The following DNAH8 variants were observed in gnomAD, a reference collection of about 807,000 sequenced individuals.
DNAH8 encodes axonemal beta dynein heavy chain 8.
In DNAH8, 382 loss-of-function variants were observed where a neutral mutation model predicts 562.1. The observed-to-expected ratio is 0.68, with a 90% CI of 0.63 to 0.74. The LOEUF is 0.74. Ranked by LOEUF, DNAH8 falls within the 30% of genes least tolerant of loss-of-function variation. DNAH8 has a pLI of 0.00. For synonymous variants in DNAH8, 1,881 were observed against 1,919.4 expected, an observed-to-expected ratio of 0.98 and a Z score of 0.52; for missense variants, 5,203 against 5,620.4, an observed-to-expected ratio of 0.93 and a Z score of 2.37.
chr6:38,775,815 G>A lies in DNAH8; in HGVS notation c.1826G>A (p.Gly609Glu). The A allele has an allele frequency of 6.3e-7, 1 of 1,597,144 alleles. No individual in the cohort carries two copies. The highest frequency in any genetic ancestry group is 8.6e-7 in the Non-Finnish European group (1 of 1,164,898). The change falls in exon 13 of 93, where the codon GGA becomes GAA. Residue 609 changes from glycine (G) to glutamate (E), a missense_variant. By Grantham distance (98) the Gly-to-Glu change is moderately conservative (BLOSUM62 -2). Coordinates refer to ENST00000327475, the MANE Select transcript of DNAH8 (RefSeq NM_001206927.2). ...YSTLSNSTIE[G>E]IDIMAIKFRN... ...ACCTTGAGTAATTCTACCATAGAAG[G>A]AATAGATATTATGGCAATAAAATTC...
chr6:39,008,685 C>T (rs566929223), intron 88 of DNAH8, 129 bp from the exon 89 acceptor site: 14 of 509,356 alleles, frequency 2.7e-5, no homozygotes, highest in Middle Eastern at 5.4e-4. Context: ...TGGTAGTTAA[C>T]TTTTCTTCTT....
chr6:38,943,351 T>C (rs1236693675), intron 79 of DNAH8, among the ~76,000 whole-genome samples: 1 of 152,218 alleles, frequency 6.6e-6, no homozygotes, highest in Admixed American at 6.5e-5. Flanking sequence ...TTAATGTTTC[T>C]TTACAAAGTT....
At chr6:38,867,282 C>T (rs184635865) in intron 47 of DNAH8, among the ~76,000 whole-genome samples, 1 of 150,606 alleles carries the variant, frequency 6.6e-6, no homozygotes, top group African/African-American at 2.4e-5. Context: ...ATGTAAGATA[C>T]GGCTCTGTTC....
At chr6:38,727,969 A>AT (rs755483902) in intron 3 of DNAH8, among the ~76,000 whole-genome samples, 31 of 151,030 alleles carry the variant, frequency 2.1e-4, no homozygotes, top group Non-Finnish European at 2.4e-4. Flanking sequence ...CCTTAAGTTA[A>AT]TTTTTTTTTC....
At chr6:38,852,127 T>A (rs1437533793) in intron 39 of DNAH8, among the ~76,000 whole-genome samples, 1 of 152,212 alleles carries the variant, frequency 6.6e-6, no homozygotes, top group Non-Finnish European at 1.5e-5. Context: ...CCTTTTTTCC[T>A]TCCTCAATAC....
At chr6:38,818,537 C>CAAATAAAAAAAA (rs1772497583) in intron 26 of DNAH8, among the ~76,000 whole-genome samples, 1 of 75,886 alleles carries the variant, frequency 1.3e-5, no homozygotes, top group African/African-American at 6.2e-5. Flanking sequence ...AAAGCAAAAG[C>CAAATAAAAAAAA]AAAAAAAAAA....
At chr6:38,999,640 G>T (rs1305683518) in intron 88 of DNAH8, among the ~76,000 whole-genome samples, 1 of 151,842 alleles carries the variant, frequency 6.6e-6, no homozygotes, top group East Asian at 1.9e-4. Context: ...TTGAAGTAGG[G>T]CATGATCACA....
intron 12 of DNAH8, among the ~76,000 whole-genome samples, chr6:38,773,052 A>G (rs1250893006): frequency 7.1e-6 from 1 of 141,410 alleles, no homozygotes; most frequent in Non-Finnish European, 1.5e-5. Flanking sequence ...CCTGGCCTCA[A>G]GCAGTCCTCC....
At chr6:38,735,148 T>C (rs1042255114) in intron 5 of DNAH8, among the ~76,000 whole-genome samples, 4 of 152,224 alleles carry the variant, frequency 2.6e-5, no homozygotes, top group African/African-American at 7.2e-5. Flanking sequence ...TCTACGTTCT[T>C]AAATTGGGAA....
At chr6:38,722,240 T>C (rs779501637) in intron 1 of DNAH8, among the ~76,000 whole-genome samples, 16 of 152,172 alleles carry the variant, frequency 1.1e-4, no homozygotes, top group Non-Finnish European at 2.1e-4. Flanking sequence ...TAAGAGGATG[T>C]TTTATGCTTT....
At chr6:38,903,201 A>G (rs566048451) in intron 62 of DNAH8, among the ~76,000 whole-genome samples, 1 of 152,226 alleles carries the variant, frequency 6.6e-6, no homozygotes, top group South Asian at 2.1e-4. Flanking sequence ...GAGGCTGTGT[A>G]ATTTATTTAA....
chr6:38,826,499 C>T, intron 29 of DNAH8, 108 bp downstream of exon 29: 1 of 729,616 alleles, frequency 1.4e-6, no homozygotes, highest in Non-Finnish European at 2.3e-6. Flanking sequence ...TTATGTAGCA[C>T]AGTCTGCCTA....
chr6:39,024,100 G>T (rs938716601), intron 91 of DNAH8, among the ~76,000 whole-genome samples: 4 of 152,214 alleles, frequency 2.6e-5, no homozygotes, highest in African/African-American at 9.6e-5. Flanking sequence ...CTAAATAAGC[G>T]AGAATCCAGC....
At position 38,883,435 on chromosome 6, in the gene DNAH8, CACAGA is replaced by C. The variant is rs1778665648; in HGVS notation, c.8118_8122del (p.Glu2707AsnfsTer8). ...CCAAAAGTCTAAACTTTTCATCTGC[CACAGA>C]ACCAATGATGTTTCAGGTGAAATCC... On this transcript the variant is annotated frameshift_variant, in exon 55 of 93. Coordinates refer to ENST00000327475, the MANE Select transcript of DNAH8 (RefSeq NM_001206927.2). LOFTEE classifies it high-confidence loss of function. The C allele has an allele frequency of 6.2e-7, 1 of 1,610,254 alleles. No individual in the cohort carries two copies. Among genetic ancestry groups the C allele is most frequent in the African/African-American group, 1.3e-5 (1 of 74,808 alleles).
At chr6:38,910,800 TCTTCAAAACTACAAA>T (rs1326324741) in intron 65 of DNAH8, among the ~76,000 whole-genome samples, 18 of 152,216 alleles carry the variant, frequency 1.2e-4, no homozygotes, top group African/African-American at 3.4e-4. Flanking sequence ...GCATTAAAAA[TCTTCAAAACTACAAA>T]AGTTTAAATT....
In DNAH8 at chr6:38,852,729, G is replaced by T; in HGVS notation, c.5502G>T (p.Glu1834Asp). 2 of 1,613,784 alleles carry T rather than the reference G, an allele frequency of 1.2e-6. No homozygotes were observed. The highest frequency in any genetic ancestry group is 1.7e-6 in the Non-Finnish European group (2 of 1,179,836). Reference sequence around the variant, plus strand: ...CTGCAGTATCTGACAACATCAATGAGGTGACATTTCATGCAAAAGACTATG... The same window carrying T: ...CTGCAGTATCTGACAACATCAATGATGTGACATTTCATGCAAAAGACTATG... ...HLPAVSDNIN[E>D]VTFHAKDYDR... The change falls in exon 40 of 93, where the codon GAG becomes GAT. Residue 1834 changes from glutamate (E) to aspartate (D), a missense_variant. By Grantham distance (45) the Glu-to-Asp change is conservative. Coordinates refer to ENST00000327475, the MANE Select transcript of DNAH8 (RefSeq NM_001206927.2).
At chr6:38,803,740 G>A (rs1054890205) in intron 22 of DNAH8, among the ~76,000 whole-genome samples, 1 of 151,478 alleles carries the variant, frequency 6.6e-6, no homozygotes, top group Non-Finnish European at 1.5e-5. Context: ...ACTTAATCTG[G>A]GTGAAACCAT....
chr6:38,860,758 C>A, intron 43 of DNAH8, 129 bp downstream of exon 43: 1 of 555,028 alleles, frequency 1.8e-6, no homozygotes, highest in Non-Finnish European at 2.9e-6. Context: ...TCATTAAAGT[C>A]AGCCTAACAA....
chr6:38,727,434 A>G (rs1214281771), intron 3 of DNAH8, among the ~76,000 whole-genome samples: 1 of 152,222 alleles, frequency 6.6e-6, no homozygotes, highest in Middle Eastern at 3.2e-3. Context: ...GAAGCTCCCC[A>G]CTTGGCCCTG....
Sources: allele counts gnomAD v4.1 joint callset (sites outside exome capture counted in the v4.1 genomes callset), GRCh38; gene constraint gnomAD v4.1.1; transcripts MANE v1.5; gene names NCBI Gene and HGNC (gene_info 2026-07-23, HGNC 2026-07-21).